Variants in DDOST observed in about 807,000 individuals in gnomAD.
DDOST encodes the protein dolichyl-diphosphooligosaccharide--protein glycosyltransferase non-catalytic subunit.
Under a neutral mutation model 47.6 loss-of-function variants are expected in DDOST, and 25 were observed. The observed-to-expected ratio is 0.53, with a 90% CI of 0.38 to 0.73. The LOEUF (loss-of-function observed/expected upper bound fraction) is 0.73. DDOST is among the 30% of genes least tolerant of loss of function. DDOST has a pLI of 0.00. For synonymous variants in DDOST, 275 were observed against 236.0 expected, an observed-to-expected ratio of 1.17 and a Z score of -1.51; for missense variants, 526 against 573.9, an observed-to-expected ratio of 0.92 and a Z score of 0.85.
intron 7 of DDOST, 140 bp from the exon 8 acceptor site, chr1:20,653,914 G>A (rs2053330898): frequency 9.9e-7 from 1 of 1,006,618 alleles, no homozygotes; most frequent in Non-Finnish European, 1.4e-6. Context: ...GGGACTCATG[G>A]TTAAAGGGAA....
chr1:20,659,637 CCTAA>C (rs1181325649), intron 2 of DDOST, among the ~76,000 whole-genome samples: 3 of 152,202 alleles, frequency 2.0e-5, no homozygotes, highest in African/African-American at 7.2e-5. Context: ...GTGACATCCG[CCTAA>C]CTAATCTTGC....
Position 20,655,778 on chromosome 1 carries a change from A to C in DDOST, c.354T>G (p.Gly118=). 1 of 1,613,576 alleles carries C rather than the reference A, an allele frequency of 6.2e-7. No homozygotes were observed. Among genetic ancestry groups the C allele is most frequent in the Non-Finnish European group, 8.5e-7 (1 of 1,179,598 alleles). The change falls in exon 4 of 11, where the codon GGT becomes GGG. Residue 118 remains glycine, a splice_region_variant and synonymous_variant. Transcript: ENST00000602624. ...CACTGCCCAGCTCTCGAAGAGGGTC[A>C]CCTGCACAGACCGAAGAGACACCTA... ...SVLVAASSDI[G]DPLRELGSEC...
intron 6 of DDOST, 77 bp downstream of exon 6, chr1:20,654,537 T>G (rs896295060): frequency 2.3e-5 from 32 of 1,418,704 alleles, no homozygotes; most frequent in Non-Finnish European, 3.0e-5. Flanking sequence ...CACCAACTAG[T>G]CATTTCCTTC....
chr1:20,658,437 C>T (rs931230036), intron 2 of DDOST, among the ~76,000 whole-genome samples: 1 of 152,260 alleles, frequency 6.6e-6, no homozygotes, highest in Admixed American at 6.5e-5. Flanking sequence ...TCCCAAGGAA[C>T]GCCTGAGGAT....
At chr1:20,659,842 C>T (rs993014153) in intron 2 of DDOST, among the ~76,000 whole-genome samples, 1 of 151,838 alleles carries the variant, frequency 6.6e-6, no homozygotes, top group African/African-American at 2.4e-5. Context: ...CCTGGGAGGT[C>T]GAGGCTGCAG....
chr1:20,652,994 C>G, intron 8 of DDOST, 23 bp from the exon 9 acceptor site: 1 of 1,613,404 alleles, frequency 6.2e-7, no homozygotes, highest in Non-Finnish European at 8.5e-7. Flanking sequence ...GCCAGGTTAG[C>G]CAGGGCTGGC....
At position 20,654,235 on chromosome 1, in the gene DDOST, G is replaced by A. The variant is rs2154534235; in HGVS notation, c.782C>T (p.Pro261Leu). Residue 261 changes from proline (P) to leucine (L), a missense_variant, in exon 7 of 11, where the codon CCC (proline) becomes CTC (leucine). Physicochemically the swap from Pro to Leu is moderately conservative, Grantham distance 98. Transcript: ENST00000602624. ...FFNSAVQKAA[P>L]GSQRYSQTGN... ...TCCTGGCAGCTACCTCTGGGAGCCG[G>A]GCGCCGCCTTCTGCACTGCTGAGTT... is the stretch of plus-strand genomic sequence containing the variant. 1 of 1,550,674 alleles carries A rather than the reference G, an allele frequency of 6.4e-7. No homozygotes were observed. Among genetic ancestry groups the A allele is most frequent in the Non-Finnish European group, 8.7e-7 (1 of 1,146,968 alleles).
In DDOST at chr1:20,655,721, C is replaced by A; in HGVS notation, c.411G>T (p.Thr137=). ...CATAGTTGTGATGGTCAATGACAGCCGTTTTCTCCTCGTCAAACTCAATCC... is the reference window on the plus strand; with the variant it reads ...CATAGTTGTGATGGTCAATGACAGCAGTTTTCTCCTCGTCAAACTCAATCC... The part of the protein sequence containing the change: ...ECGIEFDEEK[T]AVIDHHNYDI... Residue 137 remains threonine (T), a synonymous_variant, in exon 4 of 11, where the codon ACG becomes ACT. Transcript: ENST00000602624. The A allele has an allele frequency of 1.2e-6, 2 of 1,614,170 alleles. No homozygotes were observed. Among genetic ancestry groups the A allele is most frequent in the Admixed American group, 3.3e-5 (2 of 60,028 alleles).
chr1:20,653,477 C>T (rs2053322489), intron 8 of DDOST, 150 bp downstream of exon 8: 1 of 769,792 alleles, frequency 1.3e-6, no homozygotes, highest in Non-Finnish European at 2.0e-6. Flanking sequence ...GGCTCTGCAT[C>T]TCACCTGGCA....
intron 6 of DDOST, 90 bp downstream of exon 6, chr1:20,654,524 C>A (rs1056246750): frequency 9.4e-6 from 13 of 1,390,022 alleles, no homozygotes; most frequent in Non-Finnish European, 1.2e-5. Context: ...CCATGCCCCA[C>A]CCCACCAACT....
rs2053359198 is a variant in DDOST, at chr1:20,655,288, A to AG, written c.551+151dup. ...GGCCTTCCCAAAGCGCTGGGATTAC[A>AG]GGTTGAGCCACTATACTCGGCCTTG... On this transcript the variant is annotated intron_variant, in intron 5 of 10. Coordinates refer to ENST00000602624, the MANE Select transcript of DDOST (RefSeq NM_005216.5). The AG allele has an allele frequency of 9.3e-5, 56 of 601,018 alleles. 2 individuals are homozygous for AG. In the South Asian group the frequency reaches 1.1e-3, roughly 12 times the overall value. 37.2% of individuals were successfully genotyped at this position (601,018 alleles called of 1,614,324 possible). A position where few individuals can be genotyped will look rare whatever the true frequency, so the allele number is the denominator to read the frequency against.
intron 8 of DDOST, among the ~76,000 whole-genome samples, chr1:20,653,300 C>T (rs573459714): frequency 6.6e-6 from 1 of 152,350 alleles, no homozygotes; most frequent in East Asian, 1.9e-4. Context: ...CTTCCATATT[C>T]GCTTTCTCTT....
At chr1:20,661,170 C>G in intron 1 of DDOST, 27 bp downstream of exon 1, 3 of 1,609,426 alleles carry the variant, frequency 1.9e-6, no homozygotes, top group Non-Finnish European at 2.5e-6. Flanking sequence ...GGCCCCCACA[C>G]GCTACCCCCT....
rs1270798661 is a variant in DDOST at position 20,652,218 on chromosome 1, T to C, written c.*161A>G. 1 of 654,320 alleles carries C rather than the reference T, an allele frequency of 1.5e-6. No homozygotes were observed. Among genetic ancestry groups the C allele is most frequent in the East Asian group, 3.1e-5 (1 of 32,474 alleles). The allele number at this position is 654,320 out of a possible 1,614,324, so 40.5% of individuals were successfully genotyped here. ...TGGAAAAACTTCTTTTATATAAAAA[T>C]TATCCCAACTCCCACCCCTTGGCTC... On this transcript the variant is annotated 3_prime_UTR_variant, in exon 11 of 11. Transcript: ENST00000602624.
Position 20,654,311 on chromosome 1 carries a change from C to T in DDOST, c.706G>A (p.Ala236Thr), listed in dbSNP as rs771888017. 5.8e-6 allele frequency: 9 copies of T among 1,555,288 alleles called. No individual in the cohort carries two copies. The South Asian group carries it at 1.1e-4, about 18-fold the overall frequency. The stretch of plus-strand genomic sequence containing the variant: ...AGGGAGCCGCTGAAGATGACGCGGG[C>T]ATTGTTCCTGGCCTGGAGCCCAGCA... ...LIAGLQARNN[A>T]RVIFSGSLDF... Residue 236 changes from alanine (A) to threonine (T), a missense_variant, in exon 7 of 11, where the codon GCC (alanine) becomes ACC (threonine). Ala to Thr is a moderately conservative substitution (Grantham distance 58). Transcript: ENST00000602624.
At chr1:20,655,822 G>A (rs754849715) in intron 3 of DDOST, 43 bp from the exon 4 acceptor site, 3 of 1,539,300 alleles carry the variant, frequency 1.9e-6, no homozygotes, top group East Asian at 2.2e-5. Flanking sequence ...CTTACAGGGG[G>A]GCCTTGGGCC....
chr1:20,654,781 G>T (rs1031278859), intron 5 of DDOST, 74 bp from the exon 6 acceptor site: 8 of 964,114 alleles, frequency 8.3e-6, no homozygotes, highest in Non-Finnish European at 1.3e-5. Context: ...CCGAGAGCCA[G>T]TTCTTCCCAG....
At position 20,657,263 on chromosome 1, in the gene DDOST, C is replaced by T. The variant is rs148996235; in HGVS notation, c.266-1076G>A. Among the ~76,000 whole-genome samples the T allele has an allele frequency of 5.9e-3, 897 of 152,298 alleles. 13 individuals carry two copies. Among genetic ancestry groups the T allele is most frequent in the African/African-American group, 0.02 (846 of 41,546 alleles). On this transcript the variant is annotated intron_variant, in intron 2 of 10. Coordinates refer to ENST00000602624, the MANE Select transcript of DDOST (RefSeq NM_005216.5). Reference sequence around the variant, plus strand: ...CCGGGTGAAGTGAGGGCCCAGGCTGCGCAGGGCTCTGCACCCCACACGAGG... The same window carrying T: ...CCGGGTGAAGTGAGGGCCCAGGCTGTGCAGGGCTCTGCACCCCACACGAGG...
chr1:20,654,272 C>G lies in DDOST; in HGVS notation c.745G>C (p.Asp249His). 3.2e-6 allele frequency: 5 copies of G among 1,551,766 alleles called. No homozygotes were observed. Among genetic ancestry groups the G allele is most frequent in the Non-Finnish European group, 4.4e-6 (5 of 1,147,108 alleles). ...IFSGSLDFFS[D>H]SFFNSAVQKA... ...TGCACTGCTGAGTTGAAGAAGGAGTCGCTGAAGAAGTCGAGGGAGCCGCTG... is the reference window on the plus strand; with the variant it reads ...TGCACTGCTGAGTTGAAGAAGGAGTGGCTGAAGAAGTCGAGGGAGCCGCTG... Residue 249 changes from aspartate (D) to histidine (H), a missense_variant, in exon 7 of 11, where the codon GAC (aspartate) becomes CAC (histidine). Coordinates refer to ENST00000602624, the MANE Select transcript of DDOST (RefSeq NM_005216.5).
Sources: allele counts gnomAD v4.1 joint callset (sites outside exome capture counted in the v4.1 genomes callset), GRCh38; gene constraint gnomAD v4.1.1; transcripts MANE v1.5; gene names NCBI Gene and HGNC (gene_info 2026-07-23, HGNC 2026-07-21).